SELENON: variants seen among roughly 807,000 people sequenced by gnomAD.
SELENON encodes selenoprotein N, also known as selenoprotein N, 1.
SELENON carries 44 observed loss-of-function variants against 59.5 expected under a neutral mutation model. The ratio of observed to expected loss-of-function variants is 0.74; its 90% CI spans 0.58 to 0.95. SELENON has a LOEUF of 0.95. SELENON is among the 40% of genes least tolerant of loss of function. The pLI, the probability that SELENON is intolerant of heterozygous loss-of-function variation, is 0.00. For synonymous variants in SELENON, 320 were observed against 305.6 expected, an observed-to-expected ratio of 1.05 and a Z score of -0.49; for missense variants, 674 against 721.4, an observed-to-expected ratio of 0.93 and a Z score of 0.75.
chr1:25,808,314 CCTGGGTGGGCTGT>C (rs1236998968), intron 4 of SELENON, among the ~76,000 whole-genome samples: 1 of 5,828 alleles, frequency 1.7e-4, no homozygotes, highest in African/African-American at 1.0e-3. Flanking sequence ...GTGGGCTGTG[CCTGGGTGGGCTGT>C]GCCTGGGTGG....
chr1:25,812,474 T>A (rs35501181), intron 9 of SELENON, among the ~76,000 whole-genome samples: 1 of 10,890 alleles, frequency 9.2e-5, no homozygotes, highest in Non-Finnish European at 2.5e-4. Flanking sequence ...CACACACACA[T>A]ACACACATAT....
chr1:25,804,990 C>A, intron 3 of SELENON, 152 bp from the exon 3 acceptor site: 2 of 909,452 alleles, frequency 2.2e-6, no homozygotes, highest in Non-Finnish European at 3.6e-6. Context: ...AACTAAAATG[C>A]GATACACTGG....
chr1:25,809,231 C>G, intron 6 of SELENON, 81 bp downstream of exon 5: 1 of 1,589,204 alleles, frequency 6.3e-7, no homozygotes, highest in Non-Finnish European at 8.6e-7. Flanking sequence ...CCAGCTTGAG[C>G]CCCCCAGCTC....
chr1:25,801,334 C>G (rs2047859418), intron 2 of SELENON, among the ~76,000 whole-genome samples, 174 bp downstream of exon 2: 1 of 152,162 alleles, frequency 6.6e-6, no homozygotes, highest in South Asian at 2.1e-4. Flanking sequence ...CCAGCAACCC[C>G]TGAGCCTGTT....
intron 12 of SELENON, 84 bp from the exon 12 acceptor site, chr1:25,815,464 C>G: frequency 8.4e-7 from 1 of 1,197,076 alleles, no homozygotes; most frequent in Non-Finnish European, 1.2e-6. Flanking sequence ...TGATAGCATC[C>G]CTGCTTCTCC....
Position 25,808,809 on chromosome 1 carries a change from G to A in SELENON, c.747+20G>A, listed in dbSNP as rs373649740. 1.9e-5 allele frequency: 31 copies of A among 1,613,098 alleles called. No homozygotes were observed. In the Middle Eastern group the frequency reaches 6.6e-4, roughly 34 times the overall value. Reference sequence around the variant, plus strand: ...AAGGAGGTGAGGACAGCTGGGGTGCGACGTGGGGCCCCTCCGCCCGAGCCC... The same window carrying A: ...AAGGAGGTGAGGACAGCTGGGGTGCAACGTGGGGCCCCTCCGCCCGAGCCC... On this transcript the variant is annotated intron_variant, in intron 5 of 12. Transcript: ENST00000361547.
chr1:25,805,913 G>A (rs557681091), intron 4 of SELENON, among the ~76,000 whole-genome samples: 1 of 152,262 alleles, frequency 6.6e-6, no homozygotes, highest in East Asian at 1.9e-4. Context: ...CTCAGCCCCT[G>A]CCTGCCCTTT....
chr1:25,814,059 G>A lies in SELENON; in HGVS notation c.1501-18G>A. On this transcript the variant is annotated intron_variant, in intron 11 of 12. Transcript: ENST00000361547. ...TGGTGGGGGCCGCGGCATCAGGAGTGTGCAACTGTCCCCACAGAACAACCA... is the reference window on the plus strand; with the variant it reads ...TGGTGGGGGCCGCGGCATCAGGAGTATGCAACTGTCCCCACAGAACAACCA... 1 of 1,612,374 alleles carries A rather than the reference G, an allele frequency of 6.2e-7. No homozygotes were observed. The highest frequency in any genetic ancestry group is 8.5e-7 in the Non-Finnish European group (1 of 1,178,382).
Position 25,815,647 on chromosome 1 carries a change from C to G in SELENON, c.1702C>G (p.Pro568Ala). 6.2e-7 allele frequency: 1 copy of G among 1,614,192 alleles called. No homozygotes were observed. The highest frequency in any genetic ancestry group is 8.5e-7 in the Non-Finnish European group (1 of 1,180,034). Residue 568 changes from proline to alanine, a missense_variant, in exon 13 of 13, where the codon CCG (proline) becomes GCG (alanine). Transcript: ENST00000361547. The stretch of plus-strand genomic sequence containing the variant: ...CAGCTTCTCATCCACCTTTGAAGAC[C>G]CGTCCACGGCCACCTACATGCAGTT...
chr1:25,800,241 C>T lies in SELENON; in HGVS notation c.11C>T (p.Ala4Val). The T allele has an allele frequency of 1.2e-6, 1 of 853,046 alleles. No individual in the cohort carries two copies. The highest frequency in any genetic ancestry group is 5.2e-5 in the South Asian group (1 of 19,392). 52.8% of individuals were successfully genotyped at this position (853,046 alleles called of 1,614,324 possible). A position where few individuals can be genotyped will look rare whatever the true frequency, so the allele number is the denominator to read the frequency against. ...CCGCCAGCCGCAGCCATGGGCCGGG[C>T]CCGGCCGGGCCAACGCGGGCCGCCC... The change falls in exon 1 of 13, where the codon GCC becomes GTC. Residue 4 changes from alanine (A) to valine (V), a missense_variant. Coordinates refer to ENST00000361547, the MANE Select transcript of SELENON (RefSeq NM_020451.3).
At position 25,802,085 on chromosome 1, in the gene SELENON, G is replaced by A; in HGVS notation, c.371G>A (p.Trp124Ter). 1 of 305,416 alleles carries A rather than the reference G, an allele frequency of 3.3e-6. No homozygotes were observed. Among genetic ancestry groups the A allele is most frequent in the Non-Finnish European group, 6.8e-6 (1 of 147,128 alleles). 18.9% of individuals were successfully genotyped at this position (305,416 alleles called of 1,614,324 possible). ...AGCTCACTGCAGCCTCAACTTCCCTGGCTCAATTGATCCTCCTGCCTCAGC... is the reference window on the plus strand; with the variant it reads ...AGCTCACTGCAGCCTCAACTTCCCTAGCTCAATTGATCCTCCTGCCTCAGC... Residue 124 changes from tryptophan (W) to a stop codon, truncating the protein, a stop_gained, in exon 3 of 13, where the codon TGG becomes TAG. Transcript: ENST00000361547. LOFTEE classifies it high-confidence loss of function.
intron 3 of SELENON, chr1:25,802,204 G>A: frequency 6.0e-6 from 1 of 166,996 alleles, no homozygotes; most frequent in South Asian, 1.0e-4. Flanking sequence ...TGCCTAGGCT[G>A]GTCTCAAATT....
Position 25,805,347 on chromosome 1 carries a change from ATCTT to A in SELENON, c.537+75_537+78del, listed in dbSNP as rs1176743814. ...AGATGAGTTTCTGCTCCATTCATCC[ATCTT>A]TCCTCTGCCCTCTGTGTGCCCACTA... On this transcript the variant is annotated intron_variant, in intron 4 of 12. Coordinates refer to ENST00000361547, the MANE Select transcript of SELENON (RefSeq NM_020451.3). 1.9e-6 allele frequency: 3 copies of A among 1,603,280 alleles called. No homozygotes were observed. In the East Asian group the frequency reaches 6.7e-5, roughly 36 times the overall value.
At position 25,802,042 on chromosome 1, in the gene SELENON, G is replaced by A; in HGVS notation, c.328G>A (p.Val110Met). 3.7e-6 allele frequency: 1 copy of A among 271,884 alleles called. No homozygotes were observed. Among genetic ancestry groups the A allele is most frequent in the Non-Finnish European group, 7.6e-6 (1 of 131,238 alleles). 16.8% of individuals were successfully genotyped at this position (271,884 alleles called of 1,614,324 possible). ...GTCTTGTTCTGTCACCCAGACTGGAGTGCAGTGGTGCAGTCACAGCTCACT... is the reference window on the plus strand; with the variant it reads ...GTCTTGTTCTGTCACCCAGACTGGAATGCAGTGGTGCAGTCACAGCTCACT... The change falls in exon 3 of 13, where the codon GTG (valine) becomes ATG (methionine). Residue 110 changes from valine (V) to methionine (M), a missense_variant. Transcript: ENST00000361547.
rs774283170 is a variant in SELENON at position 25,811,773 on chromosome 1, CA to C, written c.1176del (p.Glu394SerfsTer?). On this transcript the variant is annotated frameshift_variant, in exon 9 of 13. Coordinates refer to ENST00000361547, the MANE Select transcript of SELENON (RefSeq NM_020451.3). LOFTEE classifies it high-confidence loss of function. ...AGCATGATCGACAGCCACCTGCCTT[CA>C]GGGGAGCCCCTGCAGTTTGTGTTTG... 1.9e-6 allele frequency: 3 copies of C among 1,592,412 alleles called. No homozygotes were observed. Among genetic ancestry groups the C allele is most frequent in the Non-Finnish European group, 2.6e-6 (3 of 1,169,734 alleles).
chr1:25,801,221 G>C (rs1157534023), intron 2 of SELENON, 61 bp downstream of exon 2: 1 of 1,302,390 alleles, frequency 7.7e-7, no homozygotes, highest in African/African-American at 1.5e-5. Flanking sequence ...TCTTCACTGA[G>C]CAGGAGCGGC....
intron 1 of SELENON, among the ~76,000 whole-genome samples, chr1:25,800,617 G>T (rs1287333070): frequency 6.6e-6 from 1 of 151,908 alleles, no homozygotes; most frequent in Non-Finnish European, 1.5e-5. Flanking sequence ...AAGGCGAACG[G>T]AGGCCAGTGT....
At chr1:25,803,642 C>G (rs1239788178) in intron 3 of SELENON, among the ~76,000 whole-genome samples, 1 of 152,066 alleles carries the variant, frequency 6.6e-6, no homozygotes, top group African/African-American at 2.4e-5. Context: ...GAGGTGAAGT[C>G]CCTTCCCCAG....
intron 3 of SELENON, among the ~76,000 whole-genome samples, chr1:25,804,635 G>GA (rs2047887403): frequency 2.8e-5 from 1 of 35,156 alleles, no homozygotes; most frequent in African/African-American, 1.4e-4. Flanking sequence ...CTGGGGCAAT[G>GA]CCCCCCCCGC....
Sources: allele counts gnomAD v4.1 joint callset (sites outside exome capture counted in the v4.1 genomes callset), GRCh38; gene constraint gnomAD v4.1.1; transcripts MANE v1.5; gene names NCBI Gene and HGNC (gene_info 2026-07-23, HGNC 2026-07-21).